Variants in RIT2 observed in about 807,000 individuals in gnomAD.
RIT2 encodes Ras like without CAAX 2, also known as GTP-binding protein Rit2.
Under a neutral mutation model 23.7 loss-of-function variants are expected in RIT2, and 24 were observed. The observed-to-expected ratio is 1.01, with a 90% confidence interval of 0.73 to 1.43. The LOEUF (loss-of-function observed/expected upper bound fraction) is 1.43. Ranked by LOEUF, RIT2 falls within the 40% of genes most tolerant of loss-of-function variation. The pLI is 0.00. For missense variants in RIT2, 236 were observed against 266.9 expected, an observed-to-expected ratio of 0.88 and a Z score of 0.81; for synonymous variants, 107 against 91.1, an observed-to-expected ratio of 1.17 and a Z score of -0.99.
At chr18:43,054,496 A>G (rs1275542613) in intron 1 of RIT2, among the ~76,000 whole-genome samples, 1 of 151,890 alleles carries the variant, frequency 6.6e-6, no homozygotes, top group African/African-American at 2.4e-5. Context: ...TTGAAGCATA[A>G]TTACACACCA....
At chr18:43,066,499 A>G (rs1456415931) in intron 1 of RIT2, among the ~76,000 whole-genome samples, 1 of 152,190 alleles carries the variant, frequency 6.6e-6, no homozygotes, top group Admixed American at 6.5e-5. Context: ...ATTTGAAATA[A>G]CATGTTCATT....
At chr18:42,995,054 T>C (rs1910947772) in intron 2 of RIT2, among the ~76,000 whole-genome samples, 1 of 152,144 alleles carries the variant, frequency 6.6e-6, no homozygotes, top group Non-Finnish European at 1.5e-5. Context: ...CCATATTTCC[T>C]TCTTTCCTGT....
intron 4 of RIT2, among the ~76,000 whole-genome samples, chr18:42,762,798 GAT>G (rs1913332391): frequency 6.6e-6 from 1 of 152,096 alleles, no homozygotes; most frequent in African/African-American, 2.4e-5. Flanking sequence ...CATTTTTGTT[GAT>G]CTCAAATCAA....
chr18:42,754,797 C>A (rs1256665397), intron 4 of RIT2, among the ~76,000 whole-genome samples: 1 of 152,180 alleles, frequency 6.6e-6, no homozygotes, highest in Non-Finnish European at 1.5e-5. Flanking sequence ...ACCAAATAAA[C>A]AGTCACTGGA....
At chr18:42,974,047 T>C in intron 3 of RIT2, 27 bp downstream of exon 3, 1 of 1,505,114 alleles carries the variant, frequency 6.6e-7, no homozygotes, top group Non-Finnish European at 9.2e-7. Flanking sequence ...AACTCAGAGA[T>C]TGGAGAGGTT....
Position 43,000,627 on chromosome 18 carries a change from T to C in RIT2, c.161-26480A>G, listed in dbSNP as rs144734496. Among the ~76,000 whole-genome samples, 601 of 152,062 alleles carry C rather than the reference T, an allele frequency of 4.0e-3. 4 individuals are homozygous for C. Among genetic ancestry groups the C allele is most frequent in the African/African-American group, 0.012 (517 of 41,514 alleles). ...GAGAAAGGGACGTGGTGGGAGGTGA[T>C]TGGATCATGAAGGTGGTTCCCCTAT... On this transcript the variant is annotated intron_variant, in intron 2 of 4. Transcript: ENST00000326695.
rs117507614 is a variant in RIT2 at position 43,040,490 on chromosome 18, T to A, written c.104-6623A>T. On this transcript the variant is annotated intron_variant, in intron 1 of 4. Coordinates refer to ENST00000326695, the MANE Select transcript of RIT2 (RefSeq NM_002930.4). Reference sequence around the variant, plus strand: ...GTCTTTCCCAGATCCTCTCATCAAGTGGTCTCTCAGCCCTCAGAACTTCAA... The same window carrying A: ...GTCTTTCCCAGATCCTCTCATCAAGAGGTCTCTCAGCCCTCAGAACTTCAA... 6.4e-3 allele frequency among the ~76,000 whole-genome samples: 980 copies of A among 152,282 alleles called. 6 individuals are homozygous for A. Among genetic ancestry groups the A allele is most frequent in the Non-Finnish European group, 9.2e-3 (623 of 68,002 alleles).
intron 3 of RIT2, among the ~76,000 whole-genome samples, chr18:42,942,691 G>A (rs753820796): frequency 3.3e-5 from 5 of 152,220 alleles, no homozygotes; most frequent in Admixed American, 2.0e-4. Context: ...CTGAGTAAGT[G>A]TGGGTGTGAG....
chr18:42,783,377 A>G (rs2143935547), intron 4 of RIT2, among the ~76,000 whole-genome samples: 1 of 152,196 alleles, frequency 6.6e-6, no homozygotes. Context: ...GGATTTCAAG[A>G]TAAGTGGAAG....
intron 4 of RIT2, among the ~76,000 whole-genome samples, chr18:42,836,812 A>G (rs1362393315): frequency 2.0e-5 from 3 of 152,144 alleles, no homozygotes; most frequent in African/African-American, 7.2e-5. Flanking sequence ...TAAGTACATC[A>G]CAGTTTTTAA....
chr18:43,078,737 C>T lies in RIT2; in HGVS notation c.103+36680G>A, dbSNP rs150515416. The stretch of plus-strand genomic sequence containing the variant: ...GACGTTTTTGGCCTCAGATATGGAG[C>T]TTTGGACCCAGGAGAGTTAAAGGCA... On this transcript the variant is annotated intron_variant, in intron 1 of 4. Transcript: ENST00000326695. Among the ~76,000 whole-genome samples, 353 of 152,318 alleles carry T rather than the reference C, an allele frequency of 2.3e-3. 1 individual carries two copies. The highest frequency in any genetic ancestry group is 3.6e-3 in the Non-Finnish European group (242 of 68,026).
chr18:43,088,661 G>A (rs1598778646), intron 1 of RIT2, among the ~76,000 whole-genome samples: 2 of 152,092 alleles, frequency 1.3e-5, no homozygotes, highest in Admixed American at 1.3e-4. Flanking sequence ...AACTTGAGCT[G>A]AACTTTGATG....
intron 1 of RIT2, among the ~76,000 whole-genome samples, chr18:43,087,587 T>G (rs2144355907): frequency 6.6e-6 from 1 of 152,292 alleles, no homozygotes; most frequent in Non-Finnish European, 1.5e-5. Flanking sequence ...GTATCTGTAT[T>G]CAACAATGTT....
chr18:42,837,936 G>A (rs114496293), intron 4 of RIT2, among the ~76,000 whole-genome samples: 229 of 152,188 alleles, frequency 1.5e-3, no homozygotes, highest in African/African-American at 5.1e-3. Flanking sequence ...AAAAATAAAC[G>A]AAGCATATCA....
intron 4 of RIT2, among the ~76,000 whole-genome samples, chr18:42,874,581 C>T (rs569862362): frequency 1.3e-5 from 2 of 152,140 alleles, no homozygotes; most frequent in East Asian, 3.9e-4. Flanking sequence ...ATGTGCAGGA[C>T]CAAGGACCTT....
rs1481763264 is a variant in RIT2, at chr18:42,921,381, C to T, written c.426+2191G>A. 2.0e-5 allele frequency among the ~76,000 whole-genome samples: 3 copies of T among 152,068 alleles called. No individual in the cohort carries two copies. The East Asian group carries it at 5.8e-4, about 29-fold the overall frequency. ...CTTTTATCTACAAGGAAAAGACTAT[C>T]AAATCTGCAAAGTTACTCAACTTAG... On this transcript the variant is annotated intron_variant, in intron 4 of 4. Coordinates refer to ENST00000326695, the MANE Select transcript of RIT2 (RefSeq NM_002930.4).
rs146501989 is a variant in RIT2, at chr18:43,004,093, A to G, written c.160+29718T>C. On this transcript the variant is annotated intron_variant, in intron 2 of 4. Coordinates refer to ENST00000326695, the MANE Select transcript of RIT2 (RefSeq NM_002930.4). ...AGTACTTTAATTATCAGTAGAGATG[A>G]CTATTCTGGCTAGCCTGGAGATTTT... is the stretch of plus-strand genomic sequence containing the variant. Among the ~76,000 whole-genome samples the G allele has an allele frequency of 6.6e-3, 996 of 151,960 alleles. 14 individuals carry two copies. The highest frequency in any genetic ancestry group is 0.023 in the African/African-American group (942 of 41,510).
intron 3 of RIT2, among the ~76,000 whole-genome samples, chr18:42,930,384 G>A (rs1201099629): frequency 6.6e-6 from 1 of 151,720 alleles, no homozygotes; most frequent in Admixed American, 6.6e-5. Flanking sequence ...AAAAAAAAAT[G>A]AAGAGAAAAG....
At chr18:43,097,875 A>G (rs1913592262) in intron 1 of RIT2, among the ~76,000 whole-genome samples, 1 of 151,960 alleles carries the variant, frequency 6.6e-6, no homozygotes, top group Non-Finnish European at 1.5e-5. Context: ...CATCACTTTC[A>G]GGAAAGAGGC....
Sources: gnomAD v4.1 joint callset for allele counts (sites outside exome capture counted in the v4.1 genomes callset) on GRCh38, gnomAD v4.1.1 for gene constraint, MANE v1.5 for transcripts, NCBI Gene and HGNC (gene_info 2026-07-23, HGNC 2026-07-21) for gene names.